DPF3: variants seen among roughly 807,000 people sequenced by gnomAD.
The protein encoded by DPF3 is double PHD fingers 3.
In DPF3, 18 loss-of-function variants were observed where a neutral mutation model predicts 56.8. The observed-to-expected ratio is 0.32, with a 90% CI of 0.22 to 0.47. DPF3 has a LOEUF of 0.47. Ranked by LOEUF, DPF3 falls within the 20% of genes least tolerant of loss-of-function variation. DPF3 has a pLI of 1.00. For missense variants in DPF3, 403 were observed against 488.8 expected (o/e 0.82, Z 1.65); for synonymous variants, 188 against 180.2 (o/e 1.04, Z -0.35).
At position 72,611,921 on chromosome 14, in the gene DPF3, C is replaced by T. The variant is rs747011161; in HGVS notation, c.*7376G>A. 1.1e-4 allele frequency among the ~76,000 whole-genome samples: 16 copies of T among 152,136 alleles called. No homozygotes were observed. Among genetic ancestry groups the T allele is most frequent in the Non-Finnish European group, 2.1e-4 (14 of 68,038 alleles). The stretch of plus-strand genomic sequence containing the variant: ...CTTCCGTGATGGCGCGATACTTGAC[C>T]TACAATCACGATTGCTTGGCAGAGC... On this transcript the variant is annotated 3_prime_UTR_variant, in exon 11 of 11. Transcript: ENST00000556509.
intron 1 of DPF3, among the ~76,000 whole-genome samples, chr14:72,865,983 G>A (rs1048302664): frequency 6.6e-6 from 1 of 152,134 alleles, no homozygotes; most frequent in African/African-American, 2.4e-5. Flanking sequence ...GAAGGCGGAG[G>A]ATGCAGTGAG....
intron 1 of DPF3, among the ~76,000 whole-genome samples, chr14:72,827,874 C>T (rs1883881514): frequency 6.6e-6 from 1 of 152,016 alleles, no homozygotes; most frequent in Admixed American, 6.6e-5. Flanking sequence ...ATCACTTGAG[C>T]CCAAGAGCTT....
rs969430581 is a variant in DPF3 at position 72,722,389 on chromosome 14, G to C, written c.525+1244C>G. Among the ~76,000 whole-genome samples, 4 of 152,320 alleles carry C rather than the reference G, an allele frequency of 2.6e-5. No individual in the cohort carries two copies. The South Asian group carries it at 8.3e-4, about 32-fold the overall frequency. ...AGCATCTCAGCTCAGTGTGTGCCGC[G>C]CTGGCCGATGTGCAGCGGCCGCCTG... On this transcript the variant is annotated intron_variant, in intron 5 of 10. Transcript: ENST00000556509.
At chr14:72,692,880 T>C (rs1380382802) in intron 7 of DPF3, among the ~76,000 whole-genome samples, 196 bp downstream of exon 7, 1 of 152,180 alleles carries the variant, frequency 6.6e-6, no homozygotes, top group Non-Finnish European at 1.5e-5. Flanking sequence ...AGCCCTGCTA[T>C]TGCTAAGCCT....
chr14:72,805,772 G>A (rs940235525), intron 1 of DPF3, among the ~76,000 whole-genome samples: 2 of 152,098 alleles, frequency 1.3e-5, no homozygotes, highest in African/African-American at 4.8e-5. Context: ...CTTGAACCTG[G>A]GAGGCGGAGG....
intron 2 of DPF3, among the ~76,000 whole-genome samples, chr14:72,766,325 T>C (rs1337212933): frequency 6.6e-6 from 1 of 152,108 alleles, no homozygotes; most frequent in Non-Finnish European, 1.5e-5. Context: ...AAGAAATAAC[T>C]GAAAGATGAA....
chr14:72,834,494 C>CAAAA (rs375709642), intron 1 of DPF3, among the ~76,000 whole-genome samples: 61 of 91,314 alleles, frequency 6.7e-4, no homozygotes, highest in African/African-American at 1.5e-3. Flanking sequence ...GAGACTGTCT[C>CAAAA]AAAAAAAAAA....
intron 6 of DPF3, among the ~76,000 whole-genome samples, chr14:72,704,166 T>G (rs955445881): frequency 6.6e-6 from 1 of 152,232 alleles, no homozygotes; most frequent in Non-Finnish European, 1.5e-5. Context: ...AGCCACCTTC[T>G]TCCAACTGGC....
intron 8 of DPF3, among the ~76,000 whole-genome samples, chr14:72,652,994 C>T (rs1451873759): frequency 1.3e-5 from 2 of 152,188 alleles, no homozygotes; most frequent in African/African-American, 4.8e-5. Context: ...TTGTGGGTTT[C>T]AATTCCATGC....
At position 72,610,458 on chromosome 14, in the gene DPF3, A is replaced by G. The variant is rs1469673504; in HGVS notation, c.*8839T>C. Among the ~76,000 whole-genome samples the G allele has an allele frequency of 6.6e-6, 1 of 152,240 alleles. No homozygotes were observed. The highest frequency in any genetic ancestry group is 1.9e-4 in the East Asian group (1 of 5,196). ...CCAGCCTGTCCCTGAGAAGAGACAC[A>G]GAGGGGCTTCAGCAATGAGAAGAAG... is the stretch of plus-strand genomic sequence containing the variant. On this transcript the variant is annotated 3_prime_UTR_variant, in exon 11 of 11. Transcript: ENST00000556509.
At chr14:72,628,565 A>G (rs1567181999) in intron 9 of DPF3, among the ~76,000 whole-genome samples, 2 of 152,278 alleles carry the variant, frequency 1.3e-5, no homozygotes. Context: ...TACCTTTACA[A>G]AAAGAGAAAC....
intron 2 of DPF3, among the ~76,000 whole-genome samples, chr14:72,767,454 T>C (rs1891332416): frequency 6.6e-6 from 1 of 151,372 alleles, no homozygotes; most frequent in Admixed American, 6.6e-5. Flanking sequence ...AAGAACCAAA[T>C]AGAAATTTGA....
In DPF3 at chr14:72,832,018, G is replaced by A. The variant is rs1167211585; in HGVS notation, c.33-60125C>T. On this transcript the variant is annotated intron_variant, in intron 1 of 10. Transcript: ENST00000556509. ...GGATCGCTTGAGGTCAAGAATTTGA[G>A]ACCAGCCTGGGCAACATAACAAGAC... is the stretch of plus-strand genomic sequence containing the variant. 2.0e-5 allele frequency among the ~76,000 whole-genome samples: 3 copies of A among 152,166 alleles called. No homozygotes were observed. The East Asian group carries it at 5.8e-4, about 29-fold the overall frequency.
chr14:72,670,491 G>C (rs1288555237), intron 8 of DPF3: 2 of 986,142 alleles, frequency 2.0e-6, no homozygotes, highest in South Asian at 9.4e-5. Flanking sequence ...AAAGGTCAGG[G>C]AGGAGAATGA....
intron 8 of DPF3, chr14:72,671,316 C>T: frequency 1.2e-6 from 2 of 1,614,030 alleles, no homozygotes; most frequent in Non-Finnish European, 1.7e-6. Context: ...CCTTCTCCTT[C>T]CTGCCTTCTC....
intron 1 of DPF3, among the ~76,000 whole-genome samples, chr14:72,834,839 T>C (rs1884222680): frequency 6.6e-6 from 1 of 152,170 alleles, no homozygotes; most frequent in Non-Finnish European, 1.5e-5. Context: ...ATGTGGCGTA[T>C]TCATACAAGG....
chr14:72,814,302 T>C (rs1190156386), intron 1 of DPF3, among the ~76,000 whole-genome samples: 5 of 152,166 alleles, frequency 3.3e-5, no homozygotes, highest in Non-Finnish European at 5.9e-5. Context: ...TTCTCTTCTA[T>C]GCTCACCAAA....
In DPF3 at chr14:72,618,927, ACAC is replaced by A. The variant is rs1177963748; in HGVS notation, c.*367_*369del. Among the ~76,000 whole-genome samples, 1 of 152,194 alleles carries A rather than the reference ACAC, an allele frequency of 6.6e-6. No homozygotes were observed. Among genetic ancestry groups the A allele is most frequent in the Non-Finnish European group, 1.5e-5 (1 of 68,038 alleles). ...TTCTTGGAACACAATAGATAAAAAAACACCACACTACACACAAGTAATGGATGA... is the reference window on the plus strand; with the variant it reads ...TTCTTGGAACACAATAGATAAAAAAACACACTACACACAAGTAATGGATGA... On this transcript the variant is annotated 3_prime_UTR_variant, in exon 11 of 11. Transcript: ENST00000556509.
At chr14:72,866,186 C>T (rs17181986) in intron 1 of DPF3, among the ~76,000 whole-genome samples, 9,808 of 152,204 alleles carry the variant, frequency 0.064, 450 homozygotes, top group Non-Finnish European at 0.095. Context: ...GTTTTCATTA[C>T]TTGGTTTTAC....
Sources: allele counts gnomAD v4.1 joint callset (sites outside exome capture counted in the v4.1 genomes callset), GRCh38; gene constraint gnomAD v4.1.1; transcripts MANE v1.5; gene names NCBI Gene and HGNC (gene_info 2026-07-23, HGNC 2026-07-21).